RABGEF1: variants seen among roughly 807,000 people sequenced by gnomAD.
RABGEF1 encodes the protein RAB guanine nucleotide exchange factor 1.
Under a neutral mutation model 57.3 loss-of-function variants are expected in RABGEF1, and 26 were observed. The ratio of observed to expected loss-of-function variants is 0.45; its 90% confidence interval spans 0.33 to 0.63. The LOEUF (loss-of-function observed/expected upper bound fraction) is 0.63, where lower values mean the gene tolerates loss of function less well. Ranked by LOEUF, RABGEF1 falls within the 20% of genes least tolerant of loss-of-function variation. RABGEF1 has a pLI of 0.02. For missense variants in RABGEF1, 464 were observed against 607.6 expected, an observed-to-expected ratio of 0.76 and a Z score of 2.48; for synonymous variants, 185 against 210.7, an observed-to-expected ratio of 0.88 and a Z score of 1.06.
chr7:66,741,668 C>T (rs749229566), intron 1 of RABGEF1, among the ~76,000 whole-genome samples: 3 of 152,118 alleles, frequency 2.0e-5, no homozygotes, highest in African/African-American at 4.8e-5. Flanking sequence ...GAGCTGCTTT[C>T]CCCCCTCTAA....
rs183491561 is a variant in RABGEF1, at chr7:66,810,967, G to T, written c.*1683G>T. The T allele has an allele frequency of 6.6e-6, 1 of 152,222 alleles. No homozygotes were observed. Among genetic ancestry groups the T allele is most frequent in the Non-Finnish European group, 1.5e-5 (1 of 68,040 alleles). 9.4% of individuals were successfully genotyped at this position (152,222 alleles called of 1,614,324 possible). A position where few individuals can be genotyped will look rare whatever the true frequency, so the allele number is the denominator to read the frequency against. ...ACTGAGTCAGCTGGTTCCCAAGCTC[G>T]CACAGAAGGTGATAAGTTACTATCA... On this transcript the variant is annotated 3_prime_UTR_variant, in exon 9 of 9. Transcript: ENST00000284957.
the RABGEF1 span, among the ~76,000 whole-genome samples, chr7:66,659,100 A>T: frequency 1.3e-5 from 2 of 152,200 alleles, no homozygotes; most frequent in African/African-American, 4.8e-5. Context: ...CCAGACAAAG[A>T]CAGTACAAGA....
chr7:66,754,413 A>G (rs1181752261), intron 1 of RABGEF1, among the ~76,000 whole-genome samples: 5 of 149,960 alleles, frequency 3.3e-5, no homozygotes, highest in African/African-American at 1.2e-4. Context: ...AATATCTTTC[A>G]GCACTGTCAG....
intron 3 of RABGEF1, among the ~76,000 whole-genome samples, chr7:66,780,625 A>G (rs1209981068): frequency 6.6e-6 from 1 of 152,158 alleles, no homozygotes; most frequent in African/African-American, 2.4e-5. Context: ...CTCTCTGTCA[A>G]TTACTAAATG....
At chr7:66,718,430 A>G (rs1795641524) in intron 2 of RABGEF1, among the ~76,000 whole-genome samples, 3 of 152,158 alleles carry the variant, frequency 2.0e-5, no homozygotes. Flanking sequence ...TGGGGTTGGC[A>G]TCTGTTAATT....
At chr7:66,762,053 CA>C (rs1053284663) in intron 1 of RABGEF1, among the ~76,000 whole-genome samples, 258 of 146,228 alleles carry the variant, frequency 1.8e-3, no homozygotes, top group African/African-American at 6.2e-3. Flanking sequence ...GACCCTGTCT[CA>C]AAAAAAAACA....
At chr7:66,795,631 C>T (rs765226604) in intron 5 of RABGEF1, 39 bp downstream of exon 5, 1 of 1,504,836 alleles carries the variant, frequency 6.6e-7, no homozygotes, top group Admixed American at 1.7e-5. Context: ...GGGTATTGCA[C>T]AGGGATGACT....
At chr7:66,683,730 A>G (rs773972545) in intron 1 of RABGEF1, among the ~76,000 whole-genome samples, 1 of 38,876 alleles carries the variant, frequency 2.6e-5, no homozygotes, top group Non-Finnish European at 5.2e-5. Flanking sequence ...GGAGGTGCTT[A>G]TTTATTTATT....
chr7:66,786,949 A>G (rs1241673380), intron 4 of RABGEF1, among the ~76,000 whole-genome samples: 1 of 152,234 alleles, frequency 6.6e-6, no homozygotes, highest in Non-Finnish European at 1.5e-5. Flanking sequence ...ACAAATCATC[A>G]TAGCAAGAAT....
At chr7:66,682,127 C>T (rs933293059), upstream of RABGEF1, 3 of 167,532 alleles carry the variant, frequency 1.8e-5, no homozygotes, top group East Asian at 1.9e-4. Context: ...GCGGGGCAAG[C>T]AGGGGGTGTG....
chr7:66,772,868 T>C (rs573384707), intron 2 of RABGEF1, among the ~76,000 whole-genome samples: 92 of 150,790 alleles, frequency 6.1e-4, no homozygotes, highest in African/African-American at 2.1e-3. Flanking sequence ...GCTGAGATCA[T>C]GCCACTGCAC....
chr7:66,689,201 G>A (rs1231122995), intron 1 of RABGEF1, among the ~76,000 whole-genome samples: 2 of 151,744 alleles, frequency 1.3e-5, no homozygotes, highest in South Asian at 2.1e-4. Flanking sequence ...AGCAGAATAC[G>A]GGAAACAAAG....
chr7:66,707,706 A>C (rs576803811), intron 1 of RABGEF1, among the ~76,000 whole-genome samples: 1 of 152,306 alleles, frequency 6.6e-6, no homozygotes, highest in Non-Finnish European at 1.5e-5. Flanking sequence ...CAAAAAGAGT[A>C]TTGAAGTGGC....
chr7:66,766,181 TAAC>T (rs1419427605), intron 1 of RABGEF1, among the ~76,000 whole-genome samples: 2 of 151,286 alleles, frequency 1.3e-5, no homozygotes, highest in African/African-American at 2.4e-5. Context: ...TACAAAAAAA[TAAC>T]AACAATTAGC....
intron 1 of RABGEF1, among the ~76,000 whole-genome samples, chr7:66,750,244 A>G (rs947294260): frequency 6.6e-6 from 1 of 152,234 alleles, no homozygotes; most frequent in African/African-American, 2.4e-5. Context: ...ACACTTTTTA[A>G]TACCATCTAT....
At chr7:66,659,900 C>A in the RABGEF1 span, among the ~76,000 whole-genome samples, 6 of 148,808 alleles carry the variant, frequency 4.0e-5, no homozygotes, top group African/African-American at 1.2e-4. Flanking sequence ...ATAGGGGAAA[C>A]AAAGATTAGA....
chr7:66,693,106 C>T lies in RABGEF1; in HGVS notation c.-873+10848C>T, dbSNP rs558543112. Reference sequence around the variant, plus strand: ...GGCACGTCGTTCTAGAAGCCCTGAGCGGGCTTCTTCATGGACAGAGCATTT... The same window carrying T: ...GGCACGTCGTTCTAGAAGCCCTGAGTGGGCTTCTTCATGGACAGAGCATTT... On this transcript the variant is annotated intron_variant and NMD_transcript_variant, in intron 1 of 9. Transcript: ENST00000607882. Among the ~76,000 whole-genome samples the T allele has an allele frequency of 9.5e-4, 145 of 152,260 alleles. 1 individual carries two copies. The highest frequency in any genetic ancestry group is 1.2e-3 in the Non-Finnish European group (82 of 68,026).
upstream of RABGEF1, chr7:66,740,181 CA>C (rs1180010093): frequency 1.3e-5 from 2 of 152,766 alleles, no homozygotes; most frequent in Non-Finnish European, 2.9e-5. Flanking sequence ...CTCTGTGGCC[CA>C]GGCTGGTCTC....
intron 2 of RABGEF1, among the ~76,000 whole-genome samples, chr7:66,732,301 C>T (rs903513526): frequency 3.3e-5 from 5 of 152,124 alleles, no homozygotes; most frequent in African/African-American, 4.8e-5. Flanking sequence ...GCAGGGGGTG[C>T]GAGGCCTCTG....
Sources: allele counts gnomAD v4.1 joint callset (sites outside exome capture counted in the v4.1 genomes callset), GRCh38; gene constraint gnomAD v4.1.1; transcripts MANE v1.5; gene names NCBI Gene and HGNC (gene_info 2026-07-23, HGNC 2026-07-21).